Variants in FBXL2 observed in about 807,000 individuals in gnomAD.
The protein encoded by FBXL2 is F-box and leucine rich repeat protein 2.
A neutral mutation model predicts 69.2 loss-of-function variants in FBXL2; 38 were observed. The observed-to-expected ratio is 0.55, with a 90% confidence interval of 0.42 to 0.72. The LOEUF is 0.72. Ranked by LOEUF, FBXL2 falls within the 30% of genes least tolerant of loss-of-function variation. The pLI is 0.00. For missense variants in FBXL2, 354 were observed against 520.3 expected (o/e 0.68, Z 3.11); for synonymous variants, 192 against 201.3 (o/e 0.95, Z 0.39).
chr3:33,416,848 T>C, the FBXL2 span: 5 of 1,608,264 alleles, frequency 3.1e-6, no homozygotes, highest in South Asian at 1.1e-5. Flanking sequence ...TTTAAAGAAA[T>C]TGTGTATAAA....
chr3:33,289,155 T>A (rs1401658477), intron 1 of FBXL2, among the ~76,000 whole-genome samples: 1 of 152,120 alleles, frequency 6.6e-6, no homozygotes, highest in African/African-American at 2.4e-5. Flanking sequence ...TACAAGCTAG[T>A]AATACTAAAT....
rs549534461 is a variant in FBXL2, at chr3:33,318,237, C to G, written c.65+20512C>G. On this transcript the variant is annotated intron_variant, in intron 2 of 14. Transcript: ENST00000484457. ...CTTTAATCTGATCTTTGCTACAGGT[C>G]TTGGTTGTTCTGTTTAACAGAGATT... is the stretch of plus-strand genomic sequence containing the variant. Among the ~76,000 whole-genome samples the G allele has an allele frequency of 4.6e-5, 7 of 152,200 alleles. No homozygotes were observed. In the East Asian group the frequency reaches 1.4e-3, roughly 29 times the overall value.
intron 2 of FBXL2, among the ~76,000 whole-genome samples, chr3:33,344,886 A>G (rs2040322804): frequency 6.6e-6 from 1 of 152,220 alleles, no homozygotes; most frequent in Non-Finnish European, 1.5e-5. Flanking sequence ...TATAACATCT[A>G]CAGGATTACT....
intron 2 of FBXL2, among the ~76,000 whole-genome samples, chr3:33,308,081 A>C (rs898725044): frequency 1.8e-4 from 27 of 152,022 alleles, no homozygotes; most frequent in Non-Finnish European, 5.9e-5. Context: ...TTACTGTGTT[A>C]TCCATGCTGG....
At chr3:33,407,547 T>TAA (rs35830232), downstream of FBXL2, among the ~76,000 whole-genome samples, 92 of 135,664 alleles carry the variant, frequency 6.8e-4, no homozygotes, top group African/African-American at 2.4e-3. Context: ...CGAATTTATT[T>TAA]AAAAAAAAAA....
the FBXL2 span, among the ~76,000 whole-genome samples, chr3:33,420,160 C>T: frequency 1.3e-5 from 2 of 152,256 alleles, no homozygotes; most frequent in South Asian, 4.2e-4. Flanking sequence ...TTTCTAAAGT[C>T]CTATTCCTAT....
At chr3:33,277,397 C>T, upstream of FBXL2, 1 of 1,135,156 alleles carries the variant, frequency 8.8e-7, no homozygotes, top group Non-Finnish European at 1.1e-6. Flanking sequence ...CACCAATGGC[C>T]GCCTCCGAGC....
chr3:33,337,626 A>AAAAG (rs922284604), intron 2 of FBXL2, among the ~76,000 whole-genome samples: 2 of 152,178 alleles, frequency 1.3e-5, no homozygotes, highest in African/African-American at 4.8e-5. Flanking sequence ...GCAATCAGGC[A>AAAAG]AAAGAAAGAA....
chr3:33,359,940 T>C (rs924674739), intron 4 of FBXL2, among the ~76,000 whole-genome samples: 1 of 152,198 alleles, frequency 6.6e-6, no homozygotes, highest in Non-Finnish European at 1.5e-5. Context: ...GTAAACCTGA[T>C]GAAATGAGGA....
intron 1 of FBXL2, chr3:33,278,238 C>G (rs764796804): frequency 6.6e-6 from 1 of 152,184 alleles, no homozygotes; most frequent in Non-Finnish European, 1.5e-5. Flanking sequence ...AAACGTTGCT[C>G]GGTTTCACTC....
At chr3:33,277,694 G>C (rs565264366) in intron 1 of FBXL2, among the ~76,000 whole-genome samples, 179 bp downstream of exon 1, 1 of 152,016 alleles carries the variant, frequency 6.6e-6, no homozygotes, top group Non-Finnish European at 1.5e-5. Flanking sequence ...GGTAACCTGG[G>C]GGATTCAGAG....
At chr3:33,347,297 G>C (rs2040515412) in intron 2 of FBXL2, among the ~76,000 whole-genome samples, 1 of 152,170 alleles carries the variant, frequency 6.6e-6, no homozygotes, top group South Asian at 2.1e-4. Context: ...GTAAATGATA[G>C]GATCTCATTC....
chr3:33,383,840 G>C lies in FBXL2; in HGVS notation c.952-149G>C, dbSNP rs551012886. 10 of 645,270 alleles carry C rather than the reference G, an allele frequency of 1.5e-5. No individual in the cohort carries two copies. In the East Asian group the frequency reaches 2.7e-4, roughly 18 times the overall value. 40.0% of individuals were successfully genotyped at this position (645,270 alleles called of 1,614,324 possible). A position where few individuals can be genotyped will look rare whatever the true frequency, so the allele number is the denominator to read the frequency against. On this transcript the variant is annotated intron_variant, in intron 13 of 14. Coordinates refer to ENST00000484457, the MANE Select transcript of FBXL2 (RefSeq NM_012157.5). Reference sequence around the variant, plus strand: ...AAACTTCTCATAGTTCTGAAGGCTGGGAAGTCCAGGGGCTGGCATCTGCTG... The same window carrying C: ...AAACTTCTCATAGTTCTGAAGGCTGCGAAGTCCAGGGGCTGGCATCTGCTG...
chr3:33,415,795 A>G, the FBXL2 span, among the ~76,000 whole-genome samples: 1 of 152,084 alleles, frequency 6.6e-6, no homozygotes, highest in Admixed American at 6.5e-5. Context: ...AAACAGAACA[A>G]TCAGAGAAAG....
intron 2 of FBXL2, among the ~76,000 whole-genome samples, chr3:33,351,514 G>A (rs2154037376): frequency 6.6e-6 from 1 of 152,200 alleles, no homozygotes; most frequent in African/African-American, 2.4e-5. Context: ...TCCAGTGAAA[G>A]AAATCAATGA....
intron 1 of FBXL2, among the ~76,000 whole-genome samples, chr3:33,283,254 A>T (rs1263527941): frequency 6.6e-6 from 1 of 151,966 alleles, no homozygotes; most frequent in Non-Finnish European, 1.5e-5. Context: ...GTTTTTAGCA[A>T]GAAGGGCTGT....
intron 14 of FBXL2, 96 bp from the exon 15 acceptor site, chr3:33,385,405 A>G: frequency 9.0e-7 from 1 of 1,114,242 alleles, no homozygotes; most frequent in South Asian, 1.2e-5. Context: ...TAAGGTGAAG[A>G]TTTTTAATAG....
the FBXL2 span, among the ~76,000 whole-genome samples, chr3:33,410,475 C>T: frequency 2.6e-5 from 4 of 152,134 alleles, no homozygotes; most frequent in Non-Finnish European, 5.9e-5. Flanking sequence ...AAACCATGCC[C>T]CCAGGGATTA....
At chr3:33,414,876 C>A in the FBXL2 span, among the ~76,000 whole-genome samples, 131 of 152,200 alleles carry the variant, frequency 8.6e-4, no homozygotes, top group Non-Finnish European at 1.5e-3. Flanking sequence ...GAATAAGTAA[C>A]CTTGTCTAGG....
Sources: allele counts gnomAD v4.1 joint callset (sites outside exome capture counted in the v4.1 genomes callset), GRCh38; gene constraint gnomAD v4.1.1; transcripts MANE v1.5; gene names NCBI Gene and HGNC (gene_info 2026-07-23, HGNC 2026-07-21).